The following CLIC5 variants were observed in gnomAD, a reference collection of about 807,000 sequenced individuals.
CLIC5 encodes chloride intracellular channel protein 5.
Under a neutral mutation model 24.7 loss-of-function variants are expected in CLIC5, and 20 were observed. The observed-to-expected ratio is 0.81, with a 90% CI of 0.57 to 1.18. CLIC5 has a LOEUF of 1.18. CLIC5 is among the 50% of genes most tolerant of loss of function. The pLI is 0.00. For synonymous variants in CLIC5, 159 were observed against 135.6 expected (o/e 1.17, Z -1.20); for missense variants, 341 against 326.1 (o/e 1.05, Z -0.35).
intron 1 of CLIC5, among the ~76,000 whole-genome samples, chr6:46,077,841 T>C (rs905377523): frequency 6.6e-6 from 1 of 152,230 alleles, no homozygotes; most frequent in Admixed American, 6.5e-5. Context: ...TTTTCCCTGT[T>C]GCTGGTACTG....
At chr6:46,102,844 A>G in the CLIC5 span, among the ~76,000 whole-genome samples, 8 of 152,238 alleles carry the variant, frequency 5.3e-5, no homozygotes. Context: ...CATAAACTAA[A>G]AGTAAAAATC....
At chr6:46,041,216 G>A (rs1263634391) in intron 1 of CLIC5, among the ~76,000 whole-genome samples, 2 of 152,180 alleles carry the variant, frequency 1.3e-5, no homozygotes, top group East Asian at 3.8e-4. Flanking sequence ...AAATATAATT[G>A]CAGGTGCATA....
chr6:45,982,317 C>T (rs900867313), intron 1 of CLIC5, among the ~76,000 whole-genome samples: 1 of 152,066 alleles, frequency 6.6e-6, no homozygotes, highest in African/African-American at 2.4e-5. Flanking sequence ...CAAGCTTGTT[C>T]ATCTCTAAGG....
the CLIC5 span, among the ~76,000 whole-genome samples, chr6:46,100,306 A>G: frequency 6.6e-6 from 1 of 152,362 alleles, no homozygotes; most frequent in Admixed American, 6.5e-5. Context: ...CTAAAACTCT[A>G]TGAGTGAGCT....
At chr6:46,054,822 C>T (rs536528335) in intron 1 of CLIC5, among the ~76,000 whole-genome samples, 3 of 152,324 alleles carry the variant, frequency 2.0e-5, no homozygotes, top group Non-Finnish European at 4.4e-5. Flanking sequence ...ATCATGCTGG[C>T]ACATTGATGG....
chr6:45,957,046 C>T (rs1764668887), intron 1 of CLIC5, among the ~76,000 whole-genome samples: 1 of 152,004 alleles, frequency 6.6e-6, no homozygotes, highest in Non-Finnish European at 1.5e-5. Flanking sequence ...GACATCCCGA[C>T]ACAGGAAGAA....
chr6:46,056,515 C>A (rs941488862), intron 1 of CLIC5, among the ~76,000 whole-genome samples: 2 of 152,138 alleles, frequency 1.3e-5, no homozygotes, highest in African/African-American at 4.8e-5. Flanking sequence ...TTGAGCAGCT[C>A]GTCCCAGCTC....
chr6:45,916,353 G>A (rs1763031545), intron 4 of CLIC5, among the ~76,000 whole-genome samples: 1 of 152,162 alleles, frequency 6.6e-6, no homozygotes, highest in African/African-American at 2.4e-5. Context: ...CTATTCAAAG[G>A]CAATGGCAGA....
intron 6 of CLIC5, among the ~76,000 whole-genome samples, chr6:45,886,243 G>T (rs1352511185): frequency 6.6e-6 from 1 of 152,206 alleles, no homozygotes; most frequent in Non-Finnish European, 1.5e-5. Flanking sequence ...TCCCCAGGGT[G>T]CAGCCCCAGT....
At position 45,899,344 on chromosome 6, in the gene CLIC5, A is replaced by T. The variant is rs1762451552; in HGVS notation, c.*3744T>A. On this transcript the variant is annotated 3_prime_UTR_variant, in exon 6 of 6. Transcript: ENST00000339561. Reference sequence around the variant, plus strand: ...TGTACTTAGTTTTAACCATGAGTTAACATTTCCTTTTTCCAAGGAGGATGA... The same window carrying T: ...TGTACTTAGTTTTAACCATGAGTTATCATTTCCTTTTTCCAAGGAGGATGA... 6.6e-6 allele frequency: 1 copy of T among 152,248 alleles called. No homozygotes were observed. Among genetic ancestry groups the T allele is most frequent in the Admixed American group, 6.5e-5 (1 of 15,284 alleles). The allele number at this position is 152,248 out of a possible 1,614,324, so 9.4% of individuals were successfully genotyped here. A position where few individuals can be genotyped will look rare whatever the true frequency, so the allele number is the denominator to read the frequency against.
intron 5 of CLIC5, among the ~76,000 whole-genome samples, chr6:45,903,897 A>G (rs550372460): frequency 7.9e-5 from 12 of 151,068 alleles, no homozygotes; most frequent in African/African-American, 1.7e-4. Context: ...TATAGAAGGG[A>G]AAAAAAACCA....
intron 1 of CLIC5, among the ~76,000 whole-genome samples, chr6:46,027,710 A>G (rs1167580105): frequency 6.6e-6 from 1 of 152,236 alleles, no homozygotes; most frequent in Non-Finnish European, 1.5e-5. Context: ...TCCTGTGTAT[A>G]AAAGATAAAT....
intron 1 of CLIC5, among the ~76,000 whole-genome samples, chr6:45,961,933 A>G (rs1764856129): frequency 1.3e-5 from 2 of 152,146 alleles, no homozygotes; most frequent in South Asian, 2.1e-4. Flanking sequence ...AGCTCTATGT[A>G]GACCACTACC....
At chr6:46,074,196 G>T (rs1762701975) in intron 1 of CLIC5, among the ~76,000 whole-genome samples, 1 of 152,068 alleles carries the variant, frequency 6.6e-6, no homozygotes, top group Non-Finnish European at 1.5e-5. Context: ...AGTACACTGT[G>T]CTCATTGTAA....
chr6:45,985,497 T>C (rs867118766), intron 1 of CLIC5, among the ~76,000 whole-genome samples: 3 of 152,086 alleles, frequency 2.0e-5, no homozygotes, highest in Non-Finnish European at 4.4e-5. Context: ...AGTGCAACAG[T>C]GAAGTGACTC....
At chr6:46,109,647 G>C in the CLIC5 span, among the ~76,000 whole-genome samples, 14 of 148,284 alleles carry the variant, frequency 9.4e-5, no homozygotes, top group Non-Finnish European at 2.1e-4. Context: ...TTATAACTTT[G>C]TTTGAAACAT....
intron 1 of CLIC5, among the ~76,000 whole-genome samples, chr6:46,027,441 G>A (rs1406595544): frequency 2.0e-5 from 3 of 152,090 alleles, no homozygotes; most frequent in Non-Finnish European, 4.4e-5. Context: ...TCCCTATGGG[G>A]TCTACACTGT....
At chr6:46,086,190 C>T in the CLIC5 span, among the ~76,000 whole-genome samples, 11 of 152,244 alleles carry the variant, frequency 7.2e-5, no homozygotes, top group South Asian at 2.1e-4. Context: ...TGACCCTTTG[C>T]GCTTCCTGAG....
chr6:46,062,549 G>A (rs1252378201), intron 1 of CLIC5, among the ~76,000 whole-genome samples: 1 of 152,208 alleles, frequency 6.6e-6, no homozygotes, highest in African/African-American at 2.4e-5. Flanking sequence ...GAAGGGCACT[G>A]CTTATAAAGC....
Sources: gnomAD v4.1 joint callset for allele counts (sites outside exome capture counted in the v4.1 genomes callset) on GRCh38, gnomAD v4.1.1 for gene constraint, MANE v1.5 for transcripts, NCBI Gene and HGNC (gene_info 2026-07-23, HGNC 2026-07-21) for gene names.